PKHD1: variants seen among roughly 807,000 people sequenced by gnomAD.
The protein encoded by PKHD1 is fibrocystin.
PKHD1 carries 291 observed loss-of-function variants against 412.0 expected under a neutral mutation model. That is an observed-to-expected ratio of 0.71 (90% CI 0.64 to 0.78). The LOEUF is 0.78. PKHD1 is among the 30% of genes least tolerant of loss of function. PKHD1 has a pLI of 0.00. For synonymous variants in PKHD1, 1,777 were observed against 1,821.5 expected (o/e 0.98, Z 0.62); for missense variants, 4,825 against 4,950.7 (o/e 0.97, Z 0.76).
At chr6:51,798,256 G>A (rs1037921431) in intron 52 of PKHD1, among the ~76,000 whole-genome samples, 8 of 152,072 alleles carry the variant, frequency 5.3e-5, no homozygotes, top group African/African-American at 1.9e-4. Context: ...ATGCATACCT[G>A]TAATCCCAGC....
At chr6:51,766,888 A>C (rs150553558) in intron 55 of PKHD1, among the ~76,000 whole-genome samples, 120 of 152,146 alleles carry the variant, frequency 7.9e-4, no homozygotes, top group Admixed American at 2.1e-3. Flanking sequence ...TCTATTATTT[A>C]CTGCTGTGGC....
At chr6:51,682,322 T>G (rs1776799046) in intron 60 of PKHD1, 2 of 434,314 alleles carry the variant, frequency 4.6e-6, no homozygotes, top group Non-Finnish European at 9.2e-6. Flanking sequence ...TAATATTCAC[T>G]TTTTCTAATA....
chr6:51,812,115 C>A (rs772113820), intron 52 of PKHD1, among the ~76,000 whole-genome samples: 1 of 152,086 alleles, frequency 6.6e-6, no homozygotes, highest in Admixed American at 6.6e-5. Flanking sequence ...ATTTACATCC[C>A]GCTCGGTCCC....
intron 53 of PKHD1, among the ~76,000 whole-genome samples, chr6:51,782,602 T>C (rs1048846403): frequency 2.0e-5 from 3 of 152,196 alleles, no homozygotes; most frequent in African/African-American, 7.2e-5. Flanking sequence ...ATTAGGGAAC[T>C]GTGCATCTAA....
At chr6:51,857,121 T>G (rs1157688941) in intron 48 of PKHD1, among the ~76,000 whole-genome samples, 1 of 152,178 alleles carries the variant, frequency 6.6e-6, no homozygotes, top group African/African-American at 2.4e-5. Context: ...AAAATGATTT[T>G]TAAGACTTCA....
At chr6:51,635,957 G>A (rs1415557643) in intron 64 of PKHD1, among the ~76,000 whole-genome samples, 4 of 151,324 alleles carry the variant, frequency 2.6e-5, no homozygotes, top group Non-Finnish European at 5.9e-5. Flanking sequence ...AGAACCCCAC[G>A]GCACCAAGAA....
At chr6:51,636,209 A>G (rs573609) in intron 64 of PKHD1, among the ~76,000 whole-genome samples, 6,512 of 152,232 alleles carry the variant, frequency 0.043, 235 homozygotes, top group African/African-American at 0.093. Context: ...TTCTCTCTAA[A>G]ATATTGGAGA....
chr6:51,727,238 A>T (rs1038395204), intron 60 of PKHD1, among the ~76,000 whole-genome samples: 2 of 152,062 alleles, frequency 1.3e-5, no homozygotes, highest in African/African-American at 2.4e-5. Context: ...TCGGGATAAA[A>T]TTTTGAGACA....
At chr6:51,651,394 A>G (rs1476562804) in intron 61 of PKHD1, among the ~76,000 whole-genome samples, 1 of 152,200 alleles carries the variant, frequency 6.6e-6, no homozygotes, top group Non-Finnish European at 1.5e-5. Context: ...TAGAGAAATC[A>G]TCATTAAATG....
At chr6:52,046,275 A>C in intron 23 of PKHD1, 87 bp from the exon 24 acceptor site, 1 of 1,017,924 alleles carries the variant, frequency 9.8e-7, no homozygotes, top group African/African-American at 1.6e-5. Flanking sequence ...CACGATACAT[A>C]CTAGGATGCC....
intron 35 of PKHD1, among the ~76,000 whole-genome samples, chr6:51,964,677 A>C (rs558358575): frequency 3.9e-5 from 6 of 152,186 alleles, no homozygotes; most frequent in Non-Finnish European, 7.4e-5. Context: ...TTATGATGCC[A>C]TAATGAAAAA....
At chr6:52,011,885 CT>C (rs2128120255) in intron 34 of PKHD1, among the ~76,000 whole-genome samples, 1 of 152,336 alleles carries the variant, frequency 6.6e-6, no homozygotes, top group East Asian at 1.9e-4. Flanking sequence ...GGGCTGACCA[CT>C]GGGACTCCGG....
chr6:51,745,755 T>C (rs542738418), intron 59 of PKHD1, among the ~76,000 whole-genome samples: 1 of 152,278 alleles, frequency 6.6e-6, no homozygotes, highest in East Asian at 1.9e-4. Flanking sequence ...CAGTCTGTGG[T>C]ACTTTGTTAT....
intron 65 of PKHD1, among the ~76,000 whole-genome samples, chr6:51,631,517 C>T (rs544982939): frequency 9.2e-5 from 14 of 152,242 alleles, no homozygotes; most frequent in African/African-American, 3.4e-4. Context: ...ATGCTACTTC[C>T]TCTCACCTTT....
At chr6:52,062,184 T>C (rs1808783188) in intron 14 of PKHD1, among the ~76,000 whole-genome samples, 2 of 152,358 alleles carry the variant, frequency 1.3e-5, no homozygotes, top group African/African-American at 4.8e-5. Flanking sequence ...AACCAGATGT[T>C]AGTTTTACCT....
At chr6:51,986,330 T>C (rs1171589651) in intron 35 of PKHD1, among the ~76,000 whole-genome samples, 2 of 152,208 alleles carry the variant, frequency 1.3e-5, no homozygotes, top group Non-Finnish European at 2.9e-5. Flanking sequence ...TCAAGATGTG[T>C]CTTTCAAGAC....
intron 60 of PKHD1, among the ~76,000 whole-genome samples, chr6:51,707,220 T>C (rs1441642690): frequency 6.6e-6 from 1 of 152,176 alleles, no homozygotes; most frequent in East Asian, 1.9e-4. Flanking sequence ...GAACTAAAAA[T>C]GGTATCTGAA....
At chr6:51,896,139 G>C (rs530173640) in intron 43 of PKHD1, among the ~76,000 whole-genome samples, 2 of 152,130 alleles carry the variant, frequency 1.3e-5, no homozygotes, top group South Asian at 2.1e-4. Context: ...AAAGCAGCCC[G>C]GAAGCTCGAA....
intron 52 of PKHD1, among the ~76,000 whole-genome samples, chr6:51,797,183 GTTC>G (rs1195688300): frequency 3.9e-5 from 6 of 152,086 alleles, no homozygotes; most frequent in African/African-American, 9.7e-5. Flanking sequence ...TATTATTTCA[GTTC>G]TTCTGCATTT....
Sources: gnomAD v4.1 joint callset for allele counts (sites outside exome capture counted in the v4.1 genomes callset) on GRCh38, gnomAD v4.1.1 for gene constraint, MANE v1.5 for transcripts, NCBI Gene and HGNC (gene_info 2026-07-23, HGNC 2026-07-21) for gene names.